The following VPS39 variants were observed in gnomAD, a reference collection of about 807,000 sequenced individuals.
VPS39 encodes VPS39 subunit of HOPS complex, also known as vam6/Vps39-like protein.
In VPS39, 70 loss-of-function variants were observed where a neutral mutation model predicts 121.0. That is an observed-to-expected ratio of 0.58 (90% CI 0.48 to 0.71). VPS39 has a LOEUF of 0.71. Among genes scored for constraint, VPS39 ranks in the 30% least tolerant of loss-of-function variants. The pLI is 0.00. For missense variants in VPS39, 818 were observed against 1,051.5 expected, an observed-to-expected ratio of 0.78 and a Z score of 3.07; for synonymous variants, 378 against 398.1, an observed-to-expected ratio of 0.95 and a Z score of 0.60.
chr15:42,178,727 G>GA (rs556520428), intron 8 of VPS39, 157 bp from the exon 9 acceptor site: 13,394 of 1,000,274 alleles, frequency 0.013, 1 homozygote, highest in South Asian at 0.016. Flanking sequence ...CAGAAAGAAA[G>GA]AAAAAAAAAA....
intron 7 of VPS39, among the ~76,000 whole-genome samples, chr15:42,186,947 C>G (rs906909550): frequency 1.3e-5 from 2 of 152,190 alleles, no homozygotes; most frequent in African/African-American, 4.8e-5. Context: ...TTTAAAATTC[C>G]TAAGCACTGA....
intron 1 of VPS39, among the ~76,000 whole-genome samples, chr15:42,202,795 C>T (rs1484799102): frequency 2.0e-5 from 3 of 152,094 alleles, no homozygotes; most frequent in Non-Finnish European, 4.4e-5. Context: ...CTCTGGGGAC[C>T]CCTGTGACAC....
chr15:42,161,645 A>G (rs1212098551), intron 24 of VPS39, 37 bp downstream of exon 24: 1 of 1,605,984 alleles, frequency 6.2e-7, no homozygotes, highest in South Asian at 1.1e-5. Context: ...GAACCTCCAC[A>G]AAGCCCAGAT....
intron 5 of VPS39, 95 bp from the exon 6 acceptor site, chr15:42,187,951 A>G: frequency 8.2e-7 from 1 of 1,215,806 alleles, no homozygotes; most frequent in Non-Finnish European, 1.2e-6. Flanking sequence ...AATTGCTACT[A>G]CTCTGAAAAT....
chr15:42,196,415 C>G (rs2049939242), intron 2 of VPS39, among the ~76,000 whole-genome samples: 1 of 152,182 alleles, frequency 6.6e-6, no homozygotes, highest in African/African-American at 2.4e-5. Flanking sequence ...TTTTTGCAAT[C>G]TACTCATCTG....
At chr15:42,189,460 G>A (rs1047004901) in intron 4 of VPS39, among the ~76,000 whole-genome samples, 2 of 152,098 alleles carry the variant, frequency 1.3e-5, no homozygotes, top group Non-Finnish European at 2.9e-5. Context: ...CCGGCATGGT[G>A]GCTCACACCT....
intron 8 of VPS39, among the ~76,000 whole-genome samples, chr15:42,181,711 C>CA (rs1566900788): frequency 6.9e-6 from 1 of 145,678 alleles, no homozygotes; most frequent in African/African-American, 2.5e-5. Flanking sequence ...TCTAATTATC[C>CA]TTTTTTTTTT....
At chr15:42,180,917 TG>T (rs2049568023) in intron 8 of VPS39, among the ~76,000 whole-genome samples, 1 of 152,130 alleles carries the variant, frequency 6.6e-6, no homozygotes, top group African/African-American at 2.4e-5. Flanking sequence ...GCACTGTTGG[TG>T]GGACTGTAAA....
intron 24 of VPS39, chr15:42,161,449 G>C: frequency 1.6e-6 from 1 of 624,926 alleles, no homozygotes; most frequent in Non-Finnish European, 2.9e-6. Flanking sequence ...AGAGTTTTAT[G>C]GACAAGAATC....
At chr15:42,204,592 G>T (rs549248600) in intron 1 of VPS39, among the ~76,000 whole-genome samples, 1 of 152,286 alleles carries the variant, frequency 6.6e-6, no homozygotes, top group South Asian at 2.1e-4. Context: ...AGAGGTTGCA[G>T]TGAGCTGAGA....
intron 17 of VPS39, chr15:42,165,362 T>G: frequency 1.8e-6 from 1 of 554,866 alleles, no homozygotes; most frequent in Non-Finnish European, 3.2e-6. Context: ...TCCTCCAAAC[T>G]CTCATAGCGA....
At chr15:42,164,257 A>G in intron 19 of VPS39, 101 bp downstream of exon 19, 1 of 1,530,660 alleles carries the variant, frequency 6.5e-7, no homozygotes, top group Non-Finnish European at 8.8e-7. Flanking sequence ...TGGTTTTTCC[A>G]GGCCCAACTT....
At chr15:42,204,972 A>C (rs1372966941) in intron 1 of VPS39, among the ~76,000 whole-genome samples, 1 of 152,148 alleles carries the variant, frequency 6.6e-6, no homozygotes. Context: ...AGCAGACATG[A>C]TTTACAGGAC....
At chr15:42,160,941 G>A in intron 24 of VPS39, 112 bp from the exon 25 acceptor site, 4 of 1,099,150 alleles carry the variant, frequency 3.6e-6, no homozygotes, top group Non-Finnish European at 5.5e-6. Flanking sequence ...TCCAAAAGCA[G>A]CCCACCCAAA....
In VPS39 at chr15:42,163,372, C is replaced by T. The variant is rs746017090; in HGVS notation, c.2153G>A (p.Arg718Gln). 2.4e-4 allele frequency: 382 copies of T among 1,614,142 alleles called. No individual in the cohort carries two copies. Among genetic ancestry groups the T allele is most frequent in the Non-Finnish European group, 3.1e-4 (367 of 1,180,024 alleles). Residue 718 changes from arginine to glutamine, a missense_variant, in exon 21 of 25, where the codon CGA becomes CAA. Coordinates refer to ENST00000318006, the MANE Select transcript of VPS39 (RefSeq NM_015289.5). ...AEEYCHKHYDRNKDGNKDVYL... is the reference protein window; with the variant it reads ...AEEYCHKHYDQNKDGNKDVYL... ...CACATCTTTGTTGCCATCTTTGTTTCGGTCATAGTGTTTGTGGCAGTACCT... is the reference window on the plus strand; with the variant it reads ...CACATCTTTGTTGCCATCTTTGTTTTGGTCATAGTGTTTGTGGCAGTACCT...
chr15:42,169,686 C>A (rs1301353991), intron 12 of VPS39, 38 bp downstream of exon 12: 3 of 1,551,312 alleles, frequency 1.9e-6, no homozygotes, highest in Non-Finnish European at 2.6e-6. Flanking sequence ...ACTGAAACTC[C>A]CAGGCAAACT....
chr15:42,188,852 GC>G (rs2049760413), intron 5 of VPS39, among the ~76,000 whole-genome samples: 1 of 152,080 alleles, frequency 6.6e-6, no homozygotes, highest in Non-Finnish European at 1.5e-5. Context: ...TGTAGTCCCA[GC>G]TACACAGGAG....
chr15:42,184,844 T>C (rs1334043180), intron 7 of VPS39, 144 bp from the exon 8 acceptor site: 9 of 810,198 alleles, frequency 1.1e-5, no homozygotes, highest in Middle Eastern at 2.7e-4. Flanking sequence ...TTTATTATAA[T>C]AACCGTTGTT....
intron 1 of VPS39, among the ~76,000 whole-genome samples, chr15:42,207,690 C>T (rs2050204137): frequency 6.6e-6 from 1 of 152,198 alleles, no homozygotes; most frequent in Non-Finnish European, 1.5e-5. Context: ...ATCTAGAAAA[C>T]AACACAAACA....
Sources: allele counts gnomAD v4.1 joint callset (sites outside exome capture counted in the v4.1 genomes callset), GRCh38; gene constraint gnomAD v4.1.1; transcripts MANE v1.5; gene names NCBI Gene and HGNC (gene_info 2026-07-23, HGNC 2026-07-21).